The following PITPNB variants were observed in gnomAD, a reference collection of about 807,000 sequenced individuals.
The protein encoded by PITPNB is phosphatidylinositol transfer protein beta isoform.
PITPNB carries 16 observed loss-of-function variants against 45.9 expected under a neutral mutation model. The ratio of observed to expected loss-of-function variants is 0.35; its 90% confidence interval spans 0.24 to 0.53. PITPNB has a LOEUF of 0.53. PITPNB is among the 20% of genes least tolerant of loss of function. The probability of loss-of-function intolerance (pLI) is 0.93; values close to 1 mark genes in which losing one functional copy is unlikely to be tolerated. For synonymous variants in PITPNB, 112 were observed against 108.9 expected, an observed-to-expected ratio of 1.03 and a Z score of -0.18; for missense variants, 188 against 330.5, an observed-to-expected ratio of 0.57 and a Z score of 3.34.
chr22:27,875,101 T>C (rs746215464), intron 7 of PITPNB, among the ~76,000 whole-genome samples: 17 of 152,330 alleles, frequency 1.1e-4, no homozygotes, highest in Middle Eastern at 3.4e-3. Context: ...TTACAAATTA[T>C]GTGAGGAAGG....
chr22:27,894,349 C>A (rs1191970808), intron 7 of PITPNB: 13 of 391,456 alleles, frequency 3.3e-5, no homozygotes, highest in Non-Finnish European at 5.0e-5. Context: ...AAAATCTACA[C>A]AGAAAACAAA....
chr22:27,879,514 C>T (rs948403487), intron 7 of PITPNB, among the ~76,000 whole-genome samples: 3 of 152,090 alleles, frequency 2.0e-5, no homozygotes, highest in African/African-American at 4.8e-5. Context: ...CTGCTTTGGG[C>T]AGTTCATGCA....
At chr22:27,919,036 G>C in intron 1 of PITPNB, 136 bp downstream of exon 1, 1 of 1,330,176 alleles carries the variant, frequency 7.5e-7, no homozygotes, top group Non-Finnish European at 1.1e-6. Context: ...AAGGGGCCGG[G>C]GGAGGGAGGG....
chr22:27,875,334 T>G (rs1452982224), intron 7 of PITPNB, among the ~76,000 whole-genome samples: 1 of 152,250 alleles, frequency 6.6e-6, no homozygotes, highest in Non-Finnish European at 1.5e-5. Context: ...AACGACAAAC[T>G]GGGATGGACA....
chr22:27,862,550 G>T (rs1288955530), intron 8 of PITPNB, among the ~76,000 whole-genome samples: 1 of 152,020 alleles, frequency 6.6e-6, no homozygotes, highest in Non-Finnish European at 1.5e-5. Context: ...TCTCTTGCAG[G>T]TGAGCTCTGT....
At chr22:27,886,683 T>C (rs976332473) in intron 7 of PITPNB, among the ~76,000 whole-genome samples, 2 of 152,180 alleles carry the variant, frequency 1.3e-5, no homozygotes, top group African/African-American at 4.8e-5. Flanking sequence ...TGAATTAAAA[T>C]ATTTGGGGCT....
intron 11 of PITPNB, 97 bp downstream of exon 11, chr22:27,854,757 C>A: frequency 1.2e-5 from 7 of 570,566 alleles, no homozygotes; most frequent in South Asian, 2.9e-5. Context: ...AAAATAAAAC[C>A]ACATTTAACA....
intron 7 of PITPNB, among the ~76,000 whole-genome samples, chr22:27,883,095 G>C (rs1430757733): frequency 2.0e-5 from 3 of 152,206 alleles, no homozygotes; most frequent in Admixed American, 1.3e-4. Flanking sequence ...GGGAGGAGCT[G>C]ACCAAGACTA....
intron 6 of PITPNB, among the ~76,000 whole-genome samples, chr22:27,895,156 T>A (rs1306531390): frequency 1.3e-5 from 2 of 152,216 alleles, no homozygotes; most frequent in African/African-American, 2.4e-5. Flanking sequence ...TGAAATGCCA[T>A]CTGTGAACTA....
chr22:27,862,655 G>T (rs757545003), intron 8 of PITPNB, among the ~76,000 whole-genome samples: 1 of 152,122 alleles, frequency 6.6e-6, no homozygotes, highest in Non-Finnish European at 1.5e-5. Context: ...GTATGTGTAT[G>T]TGTATATGTA....
chr22:27,902,746 G>A (rs926681606), intron 3 of PITPNB, among the ~76,000 whole-genome samples: 3 of 152,100 alleles, frequency 2.0e-5, no homozygotes, highest in Non-Finnish European at 4.4e-5. Context: ...AAGAGACAGG[G>A]TCTTGCTGTG....
chr22:27,882,968 A>C (rs1365206134), intron 7 of PITPNB, among the ~76,000 whole-genome samples: 7 of 152,264 alleles, frequency 4.6e-5, no homozygotes, highest in African/African-American at 1.4e-4. Flanking sequence ...CAAATGAGAA[A>C]ATGTATGAGT....
At chr22:27,915,730 T>C (rs993703720) in intron 1 of PITPNB, among the ~76,000 whole-genome samples, 8 of 152,176 alleles carry the variant, frequency 5.3e-5, no homozygotes, top group Admixed American at 5.2e-4. Context: ...AAATTCCGAA[T>C]CATTTCTCTT....
chr22:27,862,030 G>A (rs1405904170), intron 8 of PITPNB, among the ~76,000 whole-genome samples: 1 of 152,062 alleles, frequency 6.6e-6, no homozygotes, highest in African/African-American at 2.4e-5. Flanking sequence ...TCTCCCACGG[G>A]CTCTTCCCTC....
chr22:27,890,548 C>G (rs991732456), intron 7 of PITPNB, among the ~76,000 whole-genome samples: 2 of 152,176 alleles, frequency 1.3e-5, no homozygotes, highest in Non-Finnish European at 2.9e-5. Context: ...GGCGCGGTGG[C>G]TCATGCCTGT....
At chr22:27,906,273 A>C (rs1215282774) in intron 3 of PITPNB, among the ~76,000 whole-genome samples, 1 of 152,232 alleles carries the variant, frequency 6.6e-6, no homozygotes, top group Non-Finnish European at 1.5e-5. Flanking sequence ...CTTACAGCCA[A>C]GGGTTTTTGT....
chr22:27,855,507 A>G (rs1182170960), intron 10 of PITPNB, among the ~76,000 whole-genome samples: 2 of 152,242 alleles, frequency 1.3e-5, no homozygotes, highest in Non-Finnish European at 2.9e-5. Context: ...CATTCATAAC[A>G]ATAGCCTCCA....
intron 8 of PITPNB, 66 bp from the exon 9 acceptor site, chr22:27,860,307 T>A: frequency 1.1e-6 from 1 of 944,214 alleles, no homozygotes; most frequent in Non-Finnish European, 1.7e-6. Context: ...TAAAATTGAC[T>A]GTTGTATAAC....
At chr22:27,857,963 T>G (rs1243736922) in intron 10 of PITPNB, among the ~76,000 whole-genome samples, 1 of 152,130 alleles carries the variant, frequency 6.6e-6, no homozygotes, top group Middle Eastern at 3.2e-3. Context: ...TAGCCTTACC[T>G]TTTCTACAAA....
Sources: gnomAD v4.1 joint callset for allele counts (sites outside exome capture counted in the v4.1 genomes callset) on GRCh38, gnomAD v4.1.1 for gene constraint, MANE v1.5 for transcripts, NCBI Gene and HGNC (gene_info 2026-07-23, HGNC 2026-07-21) for gene names.